The following EPM2A variants were observed in gnomAD, a reference collection of about 807,000 sequenced individuals.
EPM2A encodes the protein laforin.
A neutral mutation model predicts 26.5 loss-of-function variants in EPM2A; 21 were observed. The observed-to-expected ratio is 0.79, with a 90% CI of 0.56 to 1.14. The LOEUF (loss-of-function observed/expected upper bound fraction) is 1.14. EPM2A is among the 50% of genes most tolerant of loss of function. The pLI is 0.00. For synonymous variants in EPM2A, 217 were observed against 177.6 expected (o/e 1.22, Z -1.76); for missense variants, 458 against 440.8 (o/e 1.04, Z -0.35).
At chr6:145,496,728 A>ATGTTTTTTGTTTTTT (rs779194973), downstream of EPM2A, among the ~76,000 whole-genome samples, 2 of 106,908 alleles carry the variant, frequency 1.9e-5, no homozygotes, top group Admixed American at 9.7e-5. Context: ...AGTTCCTGCA[A>ATGTTTTTTGTTTTTT]TTTTTTTTTT....
intron 2 of EPM2A, among the ~76,000 whole-genome samples, chr6:145,553,952 A>G (rs1780687946): frequency 6.6e-6 from 1 of 151,154 alleles, no homozygotes; most frequent in Admixed American, 6.6e-5. Flanking sequence ...ACTTTTAAGT[A>G]TATGCACTCT....
chr6:145,409,713 T>A (rs948672783), intron 4 of EPM2A, among the ~76,000 whole-genome samples: 9 of 152,192 alleles, frequency 5.9e-5, no homozygotes, highest in African/African-American at 2.2e-4. Flanking sequence ...TCATCTACTA[T>A]ATGAGCTAGG....
At chr6:145,477,143 A>G (rs566415628) in intron 4 of EPM2A, among the ~76,000 whole-genome samples, 119 of 152,094 alleles carry the variant, frequency 7.8e-4, no homozygotes, top group Non-Finnish European at 1.3e-3. Flanking sequence ...TCAAAGGATC[A>G]TTAGAGGCTA....
intron 1 of EPM2A, among the ~76,000 whole-genome samples, chr6:145,688,901 T>C (rs948590884): frequency 1.3e-5 from 2 of 152,228 alleles, no homozygotes; most frequent in Non-Finnish European, 2.9e-5. Context: ...GGAACTGTCA[T>C]AGTCAACTGT....
intron 2 of EPM2A, among the ~76,000 whole-genome samples, chr6:145,683,411 T>TATATTAA (rs1354095273): frequency 1.3e-5 from 2 of 150,254 alleles, no homozygotes; most frequent in East Asian, 3.9e-4. Flanking sequence ...TACATTTTAA[T>TATATTAA]ATATTACTAT....
chr6:145,490,344 G>A (rs1779738326), intron 4 of EPM2A: 8 of 1,373,576 alleles, frequency 5.8e-6, no homozygotes, highest in Middle Eastern at 1.8e-4. Flanking sequence ...CATTTATAGA[G>A]CTTCTTTCTT....
rs1775781959 is a variant in EPM2A, at chr6:145,625,947, C to T, written c.*1469G>A. 1 of 1,270,184 alleles carries T rather than the reference C, an allele frequency of 7.9e-7. No individual in the cohort carries two copies. The highest frequency in any genetic ancestry group is 1.0e-6 in the Non-Finnish European group (1 of 958,250). 78.7% of individuals were successfully genotyped at this position (1,270,184 alleles called of 1,614,324 possible). On this transcript the variant is annotated 3_prime_UTR_variant, in exon 4 of 4. Coordinates refer to ENST00000367519, the MANE Select transcript of EPM2A (RefSeq NM_005670.4). ...AGTAAGGGCTTTGAATCAAACCCAGCTTTGTATCTCACTTCATCTATTTAT... is the reference window on the plus strand; with the variant it reads ...AGTAAGGGCTTTGAATCAAACCCAGTTTTGTATCTCACTTCATCTATTTAT...
intron 4 of EPM2A, chr6:145,490,356 C>T: frequency 7.9e-7 from 1 of 1,272,650 alleles, no homozygotes; most frequent in Non-Finnish European, 1.1e-6. Flanking sequence ...TTCTTTCTTC[C>T]TTTTTTGCCT....
chr6:145,686,262 G>T lies in EPM2A; in HGVS notation c.336C>A (p.Tyr112Ter). 1 of 1,613,910 alleles carries T rather than the reference G, an allele frequency of 6.2e-7. No homozygotes were observed. Among genetic ancestry groups the T allele is most frequent in the Non-Finnish European group, 8.5e-7 (1 of 1,179,860 alleles). Residue 112 changes from tyrosine to a stop codon, truncating the protein, a stop_gained, in exon 2 of 4, where the codon TAC becomes TAA. Transcript: ENST00000367519. LOFTEE classifies it high-confidence loss of function. ...CACCATCCACCAAGTTGTTTTCATT[G>T]TAAGTACAGCAACGGTCATGATGAG... is the stretch of plus-strand genomic sequence containing the variant. Reference protein sequence around the residue: ...NGPHHDRCCTYNENNLVDGVY... With the variant: ...NGPHHDRCCT
intron 2 of EPM2A, among the ~76,000 whole-genome samples, chr6:145,549,081 T>C (rs1780621071): frequency 6.6e-6 from 1 of 152,122 alleles, no homozygotes. Flanking sequence ...TTTTGGTCTC[T>C]CTTGCTAGTG....
intron 2 of EPM2A, among the ~76,000 whole-genome samples, chr6:145,649,354 G>T (rs1777710845): frequency 6.6e-6 from 1 of 152,172 alleles, no homozygotes; most frequent in South Asian, 2.1e-4. Flanking sequence ...GAGAATAAAT[G>T]AAATCATATA....
At chr6:145,548,223 C>G (rs934550303) in intron 2 of EPM2A, among the ~76,000 whole-genome samples, 1 of 152,132 alleles carries the variant, frequency 6.6e-6, no homozygotes, top group Non-Finnish European at 1.5e-5. Context: ...ACCTTCTTCT[C>G]TTTCTGACAA....
intron 2 of EPM2A, chr6:145,637,957 C>T (rs899553027): frequency 6.6e-6 from 1 of 152,184 alleles, no homozygotes; most frequent in Non-Finnish European, 1.5e-5. Flanking sequence ...CAACTGAGCA[C>T]ACTAAAGCTC....
intron 2 of EPM2A, among the ~76,000 whole-genome samples, chr6:145,592,481 G>A (rs1163275702): frequency 6.6e-6 from 1 of 152,122 alleles, no homozygotes; most frequent in African/African-American, 2.4e-5. Context: ...ACTTGTGCAT[G>A]TGTCTTTATA....
At chr6:145,450,488 T>TCA (rs924718375) in intron 4 of EPM2A, among the ~76,000 whole-genome samples, 14 of 152,016 alleles carry the variant, frequency 9.2e-5, no homozygotes, top group African/African-American at 3.4e-4. Context: ...ATATGTATTC[T>TCA]CACCAAAAGG....
intron 2 of EPM2A, among the ~76,000 whole-genome samples, chr6:145,600,111 C>G (rs1781397599): frequency 6.6e-6 from 1 of 152,076 alleles, no homozygotes; most frequent in African/African-American, 2.4e-5. Flanking sequence ...TATATTCTGT[C>G]TTATTTTTCA....
intron 1 of EPM2A, among the ~76,000 whole-genome samples, chr6:145,687,310 C>T (rs1448741114): frequency 6.6e-6 from 1 of 151,402 alleles, no homozygotes; most frequent in Non-Finnish European, 1.5e-5. Context: ...TAAGTGAGCC[C>T]TCACCAATCA....
intron 1 of EPM2A, among the ~76,000 whole-genome samples, chr6:145,717,228 G>A (rs1775680289): frequency 1.3e-5 from 2 of 152,240 alleles, no homozygotes; most frequent in South Asian, 4.2e-4. Context: ...ATAAAATACT[G>A]GCAAACCGAA....
intron 2 of EPM2A, among the ~76,000 whole-genome samples, chr6:145,615,847 C>A (rs1775500875): frequency 7.7e-6 from 1 of 130,198 alleles, no homozygotes; most frequent in Non-Finnish European, 1.8e-5. Flanking sequence ...TTTAGGGTAT[C>A]TGGCAGAAGA....
Sources: allele counts gnomAD v4.1 joint callset (sites outside exome capture counted in the v4.1 genomes callset), GRCh38; gene constraint gnomAD v4.1.1; transcripts MANE v1.5; gene names NCBI Gene and HGNC (gene_info 2026-07-23, HGNC 2026-07-21).